The following NFRKB variants were observed in gnomAD, a reference collection of about 807,000 sequenced individuals.
NFRKB encodes the protein nuclear factor related to kappa-B-binding protein.
NFRKB carries 62 observed loss-of-function variants against 135.7 expected under a neutral mutation model. The ratio of observed to expected loss-of-function variants is 0.46; its 90% CI spans 0.37 to 0.56. NFRKB has a LOEUF of 0.56. Ranked by LOEUF, NFRKB falls within the 20% of genes least tolerant of loss-of-function variation. The probability of loss-of-function intolerance (pLI) is 0.00; values close to 1 mark genes in which losing one functional copy is unlikely to be tolerated. For missense variants in NFRKB, 1,545 were observed against 1,662.0 expected (o/e 0.93, Z 1.22); for synonymous variants, 678 against 635.6 (o/e 1.07, Z -1.00).
At chr11:129,872,437 C>G (rs1231076709) in intron 23 of NFRKB, among the ~76,000 whole-genome samples, 1 of 152,182 alleles carries the variant, frequency 6.6e-6, no homozygotes, top group Non-Finnish European at 1.5e-5. Flanking sequence ...ATGCTTAACG[C>G]GGTGCAGGCA....
chr11:129,892,577 G>T, intron 3 of NFRKB, 138 bp downstream of exon 3: 1 of 814,148 alleles, frequency 1.2e-6, no homozygotes. Flanking sequence ...AAAAAGATAA[G>T]AGATCAGGCT....
At chr11:129,869,206 C>T (rs1206769055) in intron 24 of NFRKB, among the ~76,000 whole-genome samples, 1 of 152,166 alleles carries the variant, frequency 6.6e-6, no homozygotes, top group Admixed American at 6.6e-5. Context: ...ATTTTGTCTG[C>T]ACTGTTCTTT....
intron 3 of NFRKB, among the ~76,000 whole-genome samples, chr11:129,891,483 A>G (rs967560908): frequency 7.2e-5 from 11 of 152,172 alleles, no homozygotes; most frequent in Non-Finnish European, 1.3e-4. Flanking sequence ...AGTTGTTGGG[A>G]TGAGGGGAAG....
In NFRKB at chr11:129,884,022, G is replaced by A. The variant is rs746240577; in HGVS notation, c.816+48C>T. The A allele has an allele frequency of 2.5e-6, 4 of 1,594,500 alleles. No homozygotes were observed. The Admixed American group carries it at 6.7e-5, about 27-fold the overall frequency. ...TGTCTTCCTCAGGACAGCCAATCCT[G>A]AGACATCAGGCTGAAAACCACACGG... is the stretch of plus-strand genomic sequence containing the variant. On this transcript the variant is annotated intron_variant, in intron 8 of 26. Coordinates refer to ENST00000682444, the MANE Select transcript of NFRKB (RefSeq NM_001143835.2).
intron 3 of NFRKB, among the ~76,000 whole-genome samples, chr11:129,889,912 C>A (rs549450989): frequency 6.7e-6 from 1 of 149,722 alleles, no homozygotes; most frequent in Non-Finnish European, 1.5e-5. Flanking sequence ...GTGTCCCTAC[C>A]CTAACTGAAG....
chr11:129,885,427 A>G lies in NFRKB; in HGVS notation c.640+8T>C. 1 of 1,594,084 alleles carries G rather than the reference A, an allele frequency of 6.3e-7. No homozygotes were observed. The highest frequency in any genetic ancestry group is 8.6e-7 in the Non-Finnish European group (1 of 1,164,644). On this transcript the variant is annotated splice_region_variant and intron_variant, in intron 6 of 26. Coordinates refer to ENST00000682444, the MANE Select transcript of NFRKB (RefSeq NM_001143835.2). ...CCCCAGCTACCCCAAGTGCCCGAGG[A>G]CACTCACCCTCTTCATCAGATGACA...
At chr11:129,884,993 G>A in intron 6 of NFRKB, 147 bp from the exon 7 acceptor site, 1 of 1,187,426 alleles carries the variant, frequency 8.4e-7, no homozygotes, top group Non-Finnish European at 1.2e-6. Flanking sequence ...TACCCCAGAG[G>A]AGCTGGAGCA....
rs138063841 is a variant in NFRKB at position 129,865,085 on chromosome 11, G to T, written c.3655C>A (p.Arg1219Ser). The change falls in exon 26 of 27, where the codon CGC becomes AGC. Residue 1219 changes from arginine to serine, a missense_variant. Arg to Ser is a moderately radical substitution (Grantham distance 110). Coordinates refer to ENST00000682444, the MANE Select transcript of NFRKB (RefSeq NM_001143835.2). ...NLGANLSGLG[R>S]NIILTTMPAG... ...GGCATAGTTGTGAGGATGATGTTGC[G>T]GCCCAACCCACTGAGGCTGTGGAGG... is the stretch of plus-strand genomic sequence containing the variant. 1 of 1,610,242 alleles carries T rather than the reference G, an allele frequency of 6.2e-7. No individual in the cohort carries two copies. Among genetic ancestry groups the T allele is most frequent in the African/African-American group, 1.3e-5 (1 of 74,944 alleles).
chr11:129,888,214 G>A, intron 4 of NFRKB: 2 of 526,314 alleles, frequency 3.8e-6, no homozygotes, highest in East Asian at 6.1e-5. Context: ...AAAAGTGTGT[G>A]TGTACCTAAA....
chr11:129,879,445 C>G (rs1050045286), intron 13 of NFRKB, among the ~76,000 whole-genome samples: 2 of 152,196 alleles, frequency 1.3e-5, no homozygotes, highest in East Asian at 3.8e-4. Context: ...TCATCACCTT[C>G]AGCTCACGGT....
chr11:129,877,692 T>C (rs1210254930), intron 15 of NFRKB, among the ~76,000 whole-genome samples: 1 of 152,052 alleles, frequency 6.6e-6, no homozygotes, highest in Non-Finnish European at 1.5e-5. Flanking sequence ...AACAAACAAT[T>C]CGGCCTTAGA....
At position 129,869,768 on chromosome 11, in the gene NFRKB, G is replaced by C; in HGVS notation, c.3257C>G (p.Ala1086Gly). The change falls in exon 24 of 27, where the codon GCC becomes GGC. Residue 1086 changes from alanine to glycine, a missense_variant. Transcript: ENST00000682444. ...TVASSEAKPA[A>G]TIRIVQGLGV... ...CAGTCCCTGCACGATGCGGATCGTG[G>C]CAGCTGGTTTTGCTTCTGAAGAGGC... is the stretch of plus-strand genomic sequence containing the variant. 2 of 1,614,266 alleles carry C rather than the reference G, an allele frequency of 1.2e-6. No homozygotes were observed. The highest frequency in any genetic ancestry group is 1.7e-6 in the Non-Finnish European group (2 of 1,180,050).
intron 22 of NFRKB, among the ~76,000 whole-genome samples, chr11:129,873,491 T>C (rs1002902043): frequency 6.6e-6 from 1 of 152,198 alleles, no homozygotes; most frequent in African/African-American, 2.4e-5. Flanking sequence ...AACCCGCCTC[T>C]ACGAAGATCC....
intron 3 of NFRKB, 118 bp from the exon 4 acceptor site, chr11:129,888,913 T>C (rs2135673746): frequency 1.4e-6 from 1 of 731,468 alleles, no homozygotes; most frequent in Non-Finnish European, 2.2e-6. Flanking sequence ...CATTTTTAAG[T>C]GTAGACTTCA....
chr11:129,878,163 C>A, intron 15 of NFRKB, 146 bp downstream of exon 15: 1 of 780,434 alleles, frequency 1.3e-6, no homozygotes. Flanking sequence ...TCAGGGGGTG[C>A]GGCCAAGTCA....
chr11:129,882,686 G>C (rs1565413795), intron 9 of NFRKB, 55 bp from the exon 10 acceptor site: 10 of 1,542,784 alleles, frequency 6.5e-6, no homozygotes, highest in Non-Finnish European at 8.8e-6. Flanking sequence ...ACAGGGAAGT[G>C]AGGGGTCTTA....
At position 129,869,977 on chromosome 11, in the gene NFRKB, T is replaced by C; in HGVS notation, c.3048A>G (p.Pro1016=). ...ISATLHVTSN[P]VHAADSPAKA... Reference sequence around the variant, plus strand: ...TGGCAGGGCTATCAGCTGCATGTACTGGATTGGAAGTGACGTGTAAGGTGG... The same window carrying C: ...TGGCAGGGCTATCAGCTGCATGTACCGGATTGGAAGTGACGTGTAAGGTGG... Residue 1016 remains proline (P), a synonymous_variant, in exon 24 of 27, where the codon CCA becomes CCG. Transcript: ENST00000682444. The C allele has an allele frequency of 6.2e-7, 1 of 1,614,256 alleles. No individual in the cohort carries two copies.
intron 23 of NFRKB, 66 bp from the exon 24 acceptor site, chr11:129,870,327 G>GAC: frequency 1.3e-6 from 2 of 1,510,574 alleles, no homozygotes; most frequent in Non-Finnish European, 1.8e-6. Context: ...AATACAACTA[G>GAC]ACAAACTTCC....
chr11:129,877,388 G>A lies in NFRKB; in HGVS notation c.1512-3C>T, dbSNP rs1166360060. On this transcript the variant is annotated splice_region_variant and splice_polypyrimidine_tract_variant and intron_variant, in intron 15 of 26. Coordinates refer to ENST00000682444, the MANE Select transcript of NFRKB (RefSeq NM_001143835.2). ...GACGCACCACATAGTCAGTTCTTCT[G>A]GAATATAAAGAATTCTGTATCAACC... 6.2e-7 allele frequency: 1 copy of A among 1,614,062 alleles called. No homozygotes were observed. The highest frequency in any genetic ancestry group is 8.5e-7 in the Non-Finnish European group (1 of 1,179,974).
Sources: gnomAD v4.1 joint callset for allele counts (sites outside exome capture counted in the v4.1 genomes callset) on GRCh38, gnomAD v4.1.1 for gene constraint, MANE v1.5 for transcripts, NCBI Gene and HGNC (gene_info 2026-07-23, HGNC 2026-07-21) for gene names.